Variants in RAD9A observed in about 807,000 individuals in gnomAD.
The protein encoded by RAD9A is RAD9 checkpoint clamp component A, also known as cell cycle checkpoint control protein RAD9A.
RAD9A carries 25 observed loss-of-function variants against 41.2 expected under a neutral mutation model. That is an observed-to-expected ratio of 0.61 (90% CI 0.44 to 0.85). The LOEUF (loss-of-function observed/expected upper bound fraction) is 0.85, where lower values mean the gene tolerates loss of function less well. Among genes scored for constraint, RAD9A ranks in the 40% least tolerant of loss-of-function variants. RAD9A has a pLI of 0.00. For synonymous variants in RAD9A, 252 were observed against 210.6 expected, an observed-to-expected ratio of 1.20 and a Z score of -1.70; for missense variants, 514 against 518.3, an observed-to-expected ratio of 0.99 and a Z score of 0.08.
chr11:67,392,965 G>C (rs1205894496), intron 3 of RAD9A, 183 bp downstream of exon 3: 1 of 910,916 alleles, frequency 1.1e-6, no homozygotes, highest in African/African-American at 1.7e-5. Context: ...GGGTGGTGAC[G>C]CTCAAGTTCG....
chr11:67,392,074 GA>G lies in RAD9A; in HGVS notation c.32del (p.Lys11ArgfsTer31). On this transcript the variant is annotated frameshift_variant, in exon 1 of 11. Transcript: ENST00000307980. LOFTEE classifies it high-confidence loss of function. ...AGTGCCTGGTCACGGGCGGCAACGT[GA>G]AGGGTGAGTGCAGGTCGGCCTGGCA... MKCLVTGGNV[K>X]VLGKAVHSLS... is the part of the protein sequence containing the mutation. 1 of 1,592,304 alleles carries G rather than the reference GA, an allele frequency of 6.3e-7. No individual in the cohort carries two copies.
chr11:67,393,660 G>A (rs565369899), intron 4 of RAD9A, 31 bp from the exon 5 acceptor site: 1 of 1,612,834 alleles, frequency 6.2e-7, no homozygotes, highest in South Asian at 1.1e-5. Flanking sequence ...GGAGGTCGGC[G>A]AGGCCCACTG....
At chr11:67,394,193 C>G (rs1358767333) in intron 5 of RAD9A, among the ~76,000 whole-genome samples, 1 of 152,232 alleles carries the variant, frequency 6.6e-6, no homozygotes, top group African/African-American at 2.4e-5. Context: ...GACCCCTTCT[C>G]CGGCCTGGGC....
Position 67,395,957 on chromosome 11 carries a change from A to T in RAD9A, c.605A>T (p.Glu202Val). 8 of 1,614,172 alleles carry T rather than the reference A, an allele frequency of 5.0e-6. No individual in the cohort carries two copies. Among genetic ancestry groups the T allele is most frequent in the Non-Finnish European group, 6.8e-6 (8 of 1,180,028 alleles). The change falls in exon 7 of 11, where the codon GAG becomes GTG. Residue 202 changes from glutamate to valine, a missense_variant. Physicochemically the swap from Glu to Val is moderately radical, Grantham distance 121. This residue lies in a region of RAD9A where 268 missense variants were observed against 279.3 expected (regional missense o/e 0.96). Coordinates refer to ENST00000307980, the MANE Select transcript of RAD9A (RefSeq NM_004584.3). ...GTGACTGAGATGTGCCTTGGAGAGG[A>T]GGATTTCCAGCAGCTGCAGGCCCAG... The part of the protein sequence containing the change: ...AMVTEMCLGE[E>V]DFQQLQAQEG...
Position 67,397,406 on chromosome 11 carries a change from G to T in RAD9A, c.1080+20G>T. The T allele has an allele frequency of 6.3e-7, 1 of 1,589,370 alleles. No individual in the cohort carries two copies. The highest frequency in any genetic ancestry group is 8.6e-7 in the Non-Finnish European group (1 of 1,160,456). ...AAGAAGGTAGGGACTGGAGGTGGAG[G>T]CAGGGGTGGGAGGTAGGGAAGGGAG... On this transcript the variant is annotated intron_variant, in intron 10 of 10. Transcript: ENST00000307980.
chr11:67,392,896 C>A, intron 3 of RAD9A, 114 bp downstream of exon 3: 1 of 1,377,694 alleles, frequency 7.3e-7, no homozygotes, highest in South Asian at 1.3e-5. Flanking sequence ...ACGTGCAAGC[C>A]CAATCCATGC....
chr11:67,397,491 C>G lies in RAD9A; in HGVS notation c.1108C>G (p.Leu370Val). 6.2e-7 allele frequency: 1 copy of G among 1,612,570 alleles called. No individual in the cohort carries two copies. The highest frequency in any genetic ancestry group is 8.5e-7 in the Non-Finnish European group (1 of 1,179,020). Reference protein sequence around the residue: ...KFRSLFFGSILAPVRSPQGPS... With the variant: ...KFRSLFFGSIVAPVRSPQGPS... Reference sequence around the variant, plus strand: ...CCGCTCACTGTTCTTCGGCTCCATCCTGGCCCCTGTACGCTCCCCCCAGGG... The same window carrying G: ...CCGCTCACTGTTCTTCGGCTCCATCGTGGCCCCTGTACGCTCCCCCCAGGG... Residue 370 changes from leucine to valine, a missense_variant, in exon 11 of 11, where the codon CTG becomes GTG. Coordinates refer to ENST00000307980, the MANE Select transcript of RAD9A (RefSeq NM_004584.3).
At position 67,395,804 on chromosome 11, in the gene RAD9A, A is replaced by G. The variant is rs749946227; in HGVS notation, c.538A>G (p.Ser180Gly). Residue 180 changes from serine to glycine, a missense_variant, in exon 6 of 11, where the codon AGC becomes GGC. Ser to Gly is a moderately conservative substitution (Grantham distance 56, BLOSUM62 0). Around this residue, in one of 3 missense-constraint regions of RAD9A, gnomAD observed 268 missense variants for 279.3 expected, o/e 0.96. Coordinates refer to ENST00000307980, the MANE Select transcript of RAD9A (RefSeq NM_004584.3). Reference protein sequence around the residue: ...IGRGRRVILRSYHEEEADSTA... With the variant: ...IGRGRRVILRGYHEEEADSTA... ...CCGTGGCCGCAGGGTCATCCTGCGCAGCTACCACGAGGAGGAGGCAGGTGA... is the reference window on the plus strand; with the variant it reads ...CCGTGGCCGCAGGGTCATCCTGCGCGGCTACCACGAGGAGGAGGCAGGTGA... 6.2e-7 allele frequency: 1 copy of G among 1,613,784 alleles called. No homozygotes were observed. The highest frequency in any genetic ancestry group is 2.2e-5 in the East Asian group (1 of 44,874).
At position 67,392,302 on chromosome 11, in the gene RAD9A, C is replaced by G. The variant is rs541365920; in HGVS notation, c.105+71C>G. The G allele has an allele frequency of 1.8e-5, 24 of 1,307,786 alleles. No homozygotes were observed. The East Asian group carries it at 6.0e-4, about 33-fold the overall frequency. The allele number at this position is 1,307,786 out of a possible 1,614,324, so 81.0% of individuals were successfully genotyped here. A position where few individuals can be genotyped will look rare whatever the true frequency, so the allele number is the denominator to read the frequency against. ...CGGGTAACCCGGACTAGAGTCTCGC[C>G]CCCACTAGGCGGGATGACCGCTGGC... On this transcript the variant is annotated intron_variant, in intron 2 of 10. Coordinates refer to ENST00000307980, the MANE Select transcript of RAD9A (RefSeq NM_004584.3).
At position 67,396,299 on chromosome 11, in the gene RAD9A, C is replaced by G. The variant is rs2066495; in HGVS notation, c.771C>G (p.Asp257Glu). Reference sequence around the variant, plus strand: ...TCACCATCAAGGACTCTTTGCTGGACGGCCACTTTGTCTTGGCCACACTCT... The same window carrying G: ...TCACCATCAAGGACTCTTTGCTGGAGGGCCACTTTGTCTTGGCCACACTCT... The part of the protein sequence containing the change: ...AIFTIKDSLL[D>E]GHFVLATLSD... The change falls in exon 9 of 11, where the codon GAC becomes GAG. Residue 257 changes from aspartate (D) to glutamate (E), a missense_variant. Physicochemically the swap from Asp to Glu is conservative, Grantham distance 45. Around this residue, in one of 3 missense-constraint regions of RAD9A, gnomAD observed 216 missense variants for 184.2 expected, o/e 1.17. Transcript: ENST00000307980. 8.1e-6 allele frequency: 13 copies of G among 1,613,978 alleles called. No homozygotes were observed.
chr11:67,395,879 G>A (rs1399431087), intron 6 of RAD9A, 33 bp from the exon 7 acceptor site: 8 of 1,612,644 alleles, frequency 5.0e-6, no homozygotes, highest in African/African-American at 2.7e-5. Flanking sequence ...GGAGAGGGGC[G>A]GGGCCCAGGT....
At chr11:67,394,601 T>G (rs1297212088) in intron 5 of RAD9A, among the ~76,000 whole-genome samples, 1 of 151,970 alleles carries the variant, frequency 6.6e-6, no homozygotes, top group Non-Finnish European at 1.5e-5. Context: ...GGCCAATTCC[T>G]TGGTCTGCAT....
Position 67,397,741 on chromosome 11 carries a change from T to C in RAD9A, c.*182T>C. 1.6e-6 allele frequency: 1 copy of C among 612,730 alleles called. No individual in the cohort carries two copies. The highest frequency in any genetic ancestry group is 2.0e-5 in the South Asian group (1 of 49,662). The allele number at this position is 612,730 out of a possible 1,614,324, so 38.0% of individuals were successfully genotyped here. ...AAAGCTGTCCCACAGCGGTCGGGCCTGGGCCGTTATCTCCCCACAACCCCC... is the reference window on the plus strand; with the variant it reads ...AAAGCTGTCCCACAGCGGTCGGGCCCGGGCCGTTATCTCCCCACAACCCCC... On this transcript the variant is annotated 3_prime_UTR_variant, in exon 11 of 11. Coordinates refer to ENST00000307980, the MANE Select transcript of RAD9A (RefSeq NM_004584.3).
In RAD9A at chr11:67,392,744, C is replaced by T. The variant is rs950915482; in HGVS notation, c.196C>T (p.Pro66Ser). The change falls in exon 3 of 11, where the codon CCT (proline) becomes TCT (serine). Residue 66 changes from proline to serine, a missense_variant. Physicochemically the swap from Pro to Ser is moderately conservative, Grantham distance 74. Around this residue, in one of 3 missense-constraint regions of RAD9A, gnomAD observed 268 missense variants for 279.3 expected, o/e 0.96. Transcript: ENST00000307980. The part of the protein sequence containing the change: ...LFFQQYQAAT[P>S]GQDLLRCKIL... ...CTTCCAGCAATACCAGGCAGCCACC[C>T]CTGGTCAGGACCTGCTGCGCTGTAA... 9 of 1,614,086 alleles carry T rather than the reference C, an allele frequency of 5.6e-6. No individual in the cohort carries two copies. The highest frequency in any genetic ancestry group is 7.6e-6 in the Non-Finnish European group (9 of 1,179,990).
At chr11:67,392,264 C>G (rs765748954) in intron 2 of RAD9A, 33 bp downstream of exon 2, 1 of 1,479,302 alleles carries the variant, frequency 6.8e-7, no homozygotes, top group Non-Finnish European at 9.2e-7. Flanking sequence ...GCGGGTGGGA[C>G]TCCAGCCGGG....
intron 5 of RAD9A, 46 bp from the exon 6 acceptor site, chr11:67,395,670 C>A: frequency 6.8e-7 from 1 of 1,476,620 alleles, no homozygotes; most frequent in Non-Finnish European, 9.3e-7. Flanking sequence ...GAGCAAAGCC[C>A]TGGGCAGGGC....
Position 67,393,787 on chromosome 11 carries a change from C to T in RAD9A, c.446C>T (p.Ala149Val), listed in dbSNP as rs960817313. ...TGCCCCCACATGCTCCGCGCCCCAG[C>T]ACGGTGAGCACACCCCTGCCCTCAG... ...ASCPHMLRAP[A>V]RVLGEAVLPF... The change falls in exon 5 of 11, where the codon GCA becomes GTA. Residue 149 changes from alanine to valine, a missense_variant. By Grantham distance (64) the Ala-to-Val change is moderately conservative. This residue lies in a region of RAD9A where 268 missense variants were observed against 279.3 expected (regional missense o/e 0.96). Coordinates refer to ENST00000307980, the MANE Select transcript of RAD9A (RefSeq NM_004584.3). 6 of 1,602,224 alleles carry T rather than the reference C, an allele frequency of 3.7e-6. No individual in the cohort carries two copies. In the Admixed American group the frequency reaches 1.0e-4, roughly 27 times the overall value.
At chr11:67,392,258 G>C in intron 2 of RAD9A, 27 bp downstream of exon 2, 1 of 1,319,216 alleles carries the variant, frequency 7.6e-7, no homozygotes, top group Non-Finnish European at 1.1e-6. Context: ...TGGGGGGCGG[G>C]TGGGACTCCA....
intron 2 of RAD9A, 40 bp from the exon 3 acceptor site, chr11:67,392,613 GC>G: frequency 6.2e-7 from 1 of 1,610,034 alleles, no homozygotes. Flanking sequence ...GTCTGTGGCT[GC>G]CCCCTGACCA....
Sources: allele counts gnomAD v4.1 joint callset (sites outside exome capture counted in the v4.1 genomes callset), GRCh38; gene constraint gnomAD v4.1.1; regional missense constraint gnomAD v4.1.1; transcripts MANE v1.5; gene names NCBI Gene and HGNC (gene_info 2026-07-23, HGNC 2026-07-21).